Variants in SLC24A3 observed in about 807,000 individuals in gnomAD.
The protein encoded by SLC24A3 is sodium/potassium/calcium exchanger 3.
A neutral mutation model predicts 75.8 loss-of-function variants in SLC24A3; 28 were observed. The observed-to-expected ratio is 0.37, with a 90% CI of 0.27 to 0.51. SLC24A3 has a LOEUF of 0.51. Ranked by LOEUF, SLC24A3 falls within the 20% of genes least tolerant of loss-of-function variation. SLC24A3 has a pLI of 0.94. For missense variants in SLC24A3, 663 were observed against 847.8 expected (o/e 0.78, Z 2.71); for synonymous variants, 372 against 334.1 (o/e 1.11, Z -1.24).
chr20:19,548,636 A>G (rs1156525942), intron 3 of SLC24A3, among the ~76,000 whole-genome samples: 1 of 152,204 alleles, frequency 6.6e-6, no homozygotes, highest in Non-Finnish European at 1.5e-5. Context: ...CGTCAAGGCA[A>G]ATGCCTCTTA....
In SLC24A3 at chr20:19,721,311, T is replaced by G. The variant is rs944620593; in HGVS notation, c.*171T>G. 8.5e-6 allele frequency: 6 copies of G among 702,966 alleles called. No individual in the cohort carries two copies. The highest frequency in any genetic ancestry group is 1.4e-5 in the Non-Finnish European group (6 of 442,258). 43.5% of individuals were successfully genotyped at this position (702,966 alleles called of 1,614,324 possible). A position where few individuals can be genotyped will look rare whatever the true frequency, so the allele number is the denominator to read the frequency against. On this transcript the variant is annotated 3_prime_UTR_variant, in exon 17 of 17. Coordinates refer to ENST00000328041, the MANE Select transcript of SLC24A3 (RefSeq NM_020689.4). Reference sequence around the variant, plus strand: ...AGGCTCTCCCCTGACCCATCCTCGCTCCCCCACCTCCTTGGGTCATGCCCA... The same window carrying G: ...AGGCTCTCCCCTGACCCATCCTCGCGCCCCCACCTCCTTGGGTCATGCCCA...
chr20:19,475,632 CA>C (rs550266230), intron 2 of SLC24A3, among the ~76,000 whole-genome samples: 1 of 151,668 alleles, frequency 6.6e-6, no homozygotes, highest in African/African-American at 2.4e-5. Context: ...ATTATAATGA[CA>C]AAAAAAGAAA....
chr20:19,708,016 G>A lies in SLC24A3; in HGVS notation c.1719+9336G>A, dbSNP rs191943808. Among the ~76,000 whole-genome samples, 22 of 152,204 alleles carry A rather than the reference G, an allele frequency of 1.4e-4. No homozygotes were observed. In the East Asian group the frequency reaches 2.5e-3, roughly 17 times the overall value. ...AGGGCCTAGAACATGTCGTGATGTTGGATGGGGGAAGAAACAAACATTCAC... is the reference window on the plus strand; with the variant it reads ...AGGGCCTAGAACATGTCGTGATGTTAGATGGGGGAAGAAACAAACATTCAC... On this transcript the variant is annotated intron_variant, in intron 15 of 16. Transcript: ENST00000328041.
intron 2 of SLC24A3, among the ~76,000 whole-genome samples, chr20:19,487,870 A>G (rs1296150242): frequency 6.6e-6 from 1 of 152,178 alleles, no homozygotes; most frequent in Admixed American, 6.5e-5. Flanking sequence ...AGGCTTCTTT[A>G]TGATTAGCTG....
chr20:19,448,419 GAGA>G (rs1416705117), intron 2 of SLC24A3, among the ~76,000 whole-genome samples: 19 of 152,134 alleles, frequency 1.2e-4, no homozygotes, highest in African/African-American at 4.6e-4. Flanking sequence ...TTGAGTTTCA[GAGA>G]AGGTCAATGG....
At position 19,540,950 on chromosome 20, in the gene SLC24A3, A is replaced by G. The variant is rs550500067; in HGVS notation, c.348+25386A>G. On this transcript the variant is annotated intron_variant, in intron 3 of 16. Coordinates refer to ENST00000328041, the MANE Select transcript of SLC24A3 (RefSeq NM_020689.4). ...GTCTAAATGTTGGTGCAATTTTGAT[A>G]CTAATAATCCTCCCCGTGTCCCAAC... Among the ~76,000 whole-genome samples, 6 of 152,350 alleles carry G rather than the reference A, an allele frequency of 3.9e-5. No individual in the cohort carries two copies. The South Asian group carries it at 8.3e-4, about 21-fold the overall frequency.
chr20:19,313,561 G>A (rs1222512741), intron 2 of SLC24A3, among the ~76,000 whole-genome samples: 1 of 152,224 alleles, frequency 6.6e-6, no homozygotes, highest in Non-Finnish European at 1.5e-5. Context: ...TTCTGGGTCA[G>A]TGGCCCATTT....
intron 2 of SLC24A3, among the ~76,000 whole-genome samples, chr20:19,425,005 C>T (rs1986981166): frequency 1.3e-5 from 2 of 152,204 alleles, no homozygotes; most frequent in African/African-American, 4.8e-5. Context: ...AAAACATACC[C>T]GCTAATAAAA....
At chr20:19,504,109 T>C (rs1988427938) in intron 2 of SLC24A3, among the ~76,000 whole-genome samples, 1 of 152,200 alleles carries the variant, frequency 6.6e-6, no homozygotes, top group African/African-American at 2.4e-5. Flanking sequence ...AGACTCAGCC[T>C]ATCAGTCAAT....
Position 19,684,169 on chromosome 20 carries a change from T to C in SLC24A3, c.902-7T>C. On this transcript the variant is annotated splice_polypyrimidine_tract_variant and splice_region_variant and intron_variant, in intron 10 of 16. Coordinates refer to ENST00000328041, the MANE Select transcript of SLC24A3 (RefSeq NM_020689.4). ...GTTATTTTACCTTATGTTTTTCGTT[T>C]CCCTAGCAAATTTCCACCGCAAAGC... 1 of 1,611,092 alleles carries C rather than the reference T, an allele frequency of 6.2e-7. No individual in the cohort carries two copies. The highest frequency in any genetic ancestry group is 1.1e-5 in the South Asian group (1 of 90,958).
chr20:19,673,568 G>A, intron 8 of SLC24A3, 33 bp from the exon 9 acceptor site: 1 of 1,599,850 alleles, frequency 6.3e-7, no homozygotes, highest in Non-Finnish European at 8.6e-7. Flanking sequence ...AGATGTCCAT[G>A]ACTGTCTTTA....
chr20:19,698,750 A>C (rs1036962762), intron 15 of SLC24A3, 70 bp downstream of exon 15: 3 of 1,205,026 alleles, frequency 2.5e-6, no homozygotes, highest in Non-Finnish European at 3.6e-6. Flanking sequence ...AGCCTTGGCC[A>C]CAGGGTCTTT....
At chr20:19,592,831 C>T (rs6046198) in intron 6 of SLC24A3, among the ~76,000 whole-genome samples, 112,112 of 144,012 alleles carry the variant, frequency 0.78, 44,412 homozygotes, top group Non-Finnish European at 0.85. Context: ...AGTCTCACTG[C>T]GTTGCCCATG....
At chr20:19,704,721 C>T (rs759077652) in intron 15 of SLC24A3, among the ~76,000 whole-genome samples, 2 of 151,952 alleles carry the variant, frequency 1.3e-5, no homozygotes, top group Non-Finnish European at 2.9e-5. Flanking sequence ...GGGTGTGTGG[C>T]GAGCAGGGGA....
intron 6 of SLC24A3, among the ~76,000 whole-genome samples, chr20:19,588,718 A>T (rs1346464122): frequency 6.6e-6 from 1 of 152,262 alleles, no homozygotes; most frequent in African/African-American, 2.4e-5. Flanking sequence ...TTGATGCAAC[A>T]TACTAATGTA....
rs1983647717 is a variant in SLC24A3, at chr20:19,281,034, C to T, written c.218C>T (p.Thr73Ile). 6.2e-7 allele frequency: 1 copy of T among 1,614,048 alleles called. No individual in the cohort carries two copies. The highest frequency in any genetic ancestry group is 1.7e-5 in the Admixed American group (1 of 60,006). ...AGGAAGCTGATGCAGGTGAACGACA[C>T]TCTGACTTCCGAAGATGCCGGACTC... is the stretch of plus-strand genomic sequence containing the variant. ...MARKLMQVND[T>I]LTSEDAGLRN... The change falls in exon 2 of 17, where the codon ACT (threonine) becomes ATT (isoleucine). Residue 73 changes from threonine (T) to isoleucine (I), a missense_variant. Transcript: ENST00000328041.
chr20:19,509,610 G>T (rs73130636), intron 2 of SLC24A3, among the ~76,000 whole-genome samples: 4,512 of 152,356 alleles, frequency 0.03, 101 homozygotes, highest in Non-Finnish European at 0.048. Context: ...AGCTGTTGCA[G>T]TCTCCAGGAG....
rs986335513 is a variant in SLC24A3, at chr20:19,267,810, G to A, written c.143-13149G>A. ...AAAGTCACCTTGAGGGATGTGGAGC[G>A]AGGGCAGACATGGGGGGCAGTGTGT... On this transcript the variant is annotated intron_variant, in intron 1 of 16. Transcript: ENST00000328041. Among the ~76,000 whole-genome samples, 12 of 152,138 alleles carry A rather than the reference G, an allele frequency of 7.9e-5. 1 individual carries two copies. Among genetic ancestry groups the A allele is most frequent in the African/African-American group, 2.2e-4 (9 of 41,418 alleles).
chr20:19,490,322 G>T (rs549957070), intron 2 of SLC24A3, among the ~76,000 whole-genome samples: 3 of 152,260 alleles, frequency 2.0e-5, no homozygotes, highest in African/African-American at 4.8e-5. Flanking sequence ...TCTCAGGCTC[G>T]TGAGAAATCT....
Sources: allele counts gnomAD v4.1 joint callset (sites outside exome capture counted in the v4.1 genomes callset), GRCh38; gene constraint gnomAD v4.1.1; transcripts MANE v1.5; gene names NCBI Gene and HGNC (gene_info 2026-07-23, HGNC 2026-07-21).